SEPTIN9: variants seen among roughly 807,000 people sequenced by gnomAD.
SEPTIN9 encodes septin 9.
A neutral mutation model predicts 56.6 loss-of-function variants in SEPTIN9; 13 were observed. The observed-to-expected ratio is 0.23, with a 90% CI of 0.15 to 0.37. SEPTIN9 has a LOEUF of 0.37. Among genes scored for constraint, SEPTIN9 ranks in the 10% least tolerant of loss-of-function variants. SEPTIN9 has a pLI of 1.00. For synonymous variants in SEPTIN9, 332 were observed against 334.1 expected (o/e 0.99, Z 0.07); for missense variants, 650 against 823.1 (o/e 0.79, Z 2.57).
In SEPTIN9 at chr17:77,433,991, C is replaced by T. The variant is rs1400961624; in HGVS notation, c.721+31288C>T. Among the ~76,000 whole-genome samples the T allele has an allele frequency of 2.6e-5, 4 of 152,178 alleles. No individual in the cohort carries two copies. Among genetic ancestry groups the T allele is most frequent in the South Asian group, 2.1e-4 (1 of 4,834 alleles). ...CAGAGCTTTCTGGCCTCTGCAGGGA[C>T]GCTGTGTGTGCCTGTGTGAGTCTGG... is the stretch of plus-strand genomic sequence containing the variant. On this transcript the variant is annotated intron_variant, in intron 3 of 11. Transcript: ENST00000427177. This position sits in a 1 kb window ranked among gnomAD's most constrained non-coding sequence, Gnocchi z 6.4.
intron 3 of SEPTIN9, among the ~76,000 whole-genome samples, chr17:77,467,355 T>C (rs2038787485): frequency 6.6e-6 from 1 of 152,194 alleles, no homozygotes; most frequent in Non-Finnish European, 1.5e-5. Flanking sequence ...CTCCTGCCCA[T>C]GGGCTCTGCC....
intron 2 of SEPTIN9, among the ~76,000 whole-genome samples, chr17:77,307,410 G>T (rs939863795): frequency 1.5e-4 from 23 of 152,214 alleles, no homozygotes; most frequent in African/African-American, 5.3e-4. Context: ...TGATCCTTGT[G>T]GGGGCAGGGG....
In SEPTIN9 at chr17:77,389,865, C is replaced by G. The variant is rs1207149609; in HGVS notation, c.77-12194C>G. 6.6e-6 allele frequency among the ~76,000 whole-genome samples: 1 copy of G among 152,202 alleles called. No individual in the cohort carries two copies. Among genetic ancestry groups the G allele is most frequent in the African/African-American group, 2.4e-5 (1 of 41,452 alleles). On this transcript the variant is annotated intron_variant, in intron 2 of 11. Transcript: ENST00000427177. The surrounding 1 kb of genome is among the most constrained non-coding windows in gnomAD (Gnocchi z 4.3). Reference sequence around the variant, plus strand: ...TTAGAACCCGGGGGTGGGGGGAGCGCTAGACCAGTGCAGCACATCTGAGAG... The same window carrying G: ...TTAGAACCCGGGGGTGGGGGGAGCGGTAGACCAGTGCAGCACATCTGAGAG...
At chr17:77,320,379 C>A (rs1030263622) in intron 2 of SEPTIN9, 1 of 1,582,032 alleles carries the variant, frequency 6.3e-7, no homozygotes, top group Non-Finnish European at 8.7e-7. Flanking sequence ...CCATCGGCCG[C>A]CCCCCACTGC....
chr17:77,498,521 A>G lies in SEPTIN9; in HGVS notation c.1626-2A>G. 4 of 457,530 alleles carry G rather than the reference A, an allele frequency of 8.7e-6. No individual in the cohort carries two copies. The highest frequency in any genetic ancestry group is 1.4e-5 in the Non-Finnish European group (4 of 288,278). 28.3% of individuals were successfully genotyped at this position (457,530 alleles called of 1,614,324 possible). A position where few individuals can be genotyped will look rare whatever the true frequency, so the allele number is the denominator to read the frequency against. On this transcript the variant is annotated splice_acceptor_variant, in intron 11 of 11. Coordinates refer to ENST00000427177, the MANE Select transcript of SEPTIN9 (RefSeq NM_001113491.2). LOFTEE classifies it high-confidence loss of function. ...TGACCCGCCCGCCCCCCACCCCCAC[A>G]GGACGCACATGCAGAACATCAAGGA... is the stretch of plus-strand genomic sequence containing the variant.
Position 77,498,643 on chromosome 17 carries a change from A to G in SEPTIN9, c.1746A>G (p.Glu582=), listed in dbSNP as rs1156468910. 4 of 1,609,236 alleles carry G rather than the reference A, an allele frequency of 2.5e-6. No homozygotes were observed. Among genetic ancestry groups the G allele is most frequent in the Non-Finnish European group, 3.4e-6 (4 of 1,178,372 alleles). The change falls in exon 12 of 12, where the codon GAA becomes GAG. Residue 582 remains glutamate (E), a synonymous_variant. Transcript: ENST00000427177. ...MANGMEEKEP[E]APEM is the part of the protein sequence containing the mutation. ...ACGGCATGGAGGAGAAGGAGCCAGA[A>G]GCCCCGGAGATGTAGACGCCACCCT...
intron 2 of SEPTIN9, among the ~76,000 whole-genome samples, chr17:77,390,879 C>T (rs2035518414): frequency 6.6e-6 from 1 of 152,170 alleles, no homozygotes; most frequent in Non-Finnish European, 1.5e-5. Context: ...TTGGGGGACA[C>T]GTTAGTGAAA....
intron 2 of SEPTIN9, among the ~76,000 whole-genome samples, chr17:77,381,974 C>T (rs2143971178): frequency 6.6e-6 from 1 of 152,254 alleles, no homozygotes; most frequent in East Asian, 1.9e-4. Context: ...GTTTGCCAGG[C>T]AGGTGATGCT....
At chr17:77,418,816 G>A (rs1307536524) in intron 3 of SEPTIN9, among the ~76,000 whole-genome samples, 2 of 152,190 alleles carry the variant, frequency 1.3e-5, no homozygotes, top group Non-Finnish European at 1.5e-5. Flanking sequence ...ATGTAGGTCT[G>A]TGGGCCGTGC....
rs111337349 is a variant in SEPTIN9 at position 77,329,671 on chromosome 17, GC to G, written c.76+22479del. Among the ~76,000 whole-genome samples, 227 of 152,248 alleles carry G rather than the reference GC, an allele frequency of 1.5e-3. 1 individual carries two copies. Among genetic ancestry groups the G allele is most frequent in the African/African-American group, 5.2e-3 (215 of 41,548 alleles). Reference sequence around the variant, plus strand: ...TGTGATGCACTTAACACCTGCTGGTGCCCCCATCCCCAAGCAGGAACCCTGG... The same window carrying G: ...TGTGATGCACTTAACACCTGCTGGTGCCCCATCCCCAAGCAGGAACCCTGG... On this transcript the variant is annotated intron_variant, in intron 2 of 11. Transcript: ENST00000427177. This position sits in a 1 kb window ranked among gnomAD's most constrained non-coding sequence, Gnocchi z 4.3.
intron 3 of SEPTIN9, among the ~76,000 whole-genome samples, chr17:77,430,508 C>T (rs576713029): frequency 6.6e-6 from 1 of 152,264 alleles, no homozygotes; most frequent in African/African-American, 2.4e-5. Flanking sequence ...GAAGTGACCT[C>T]ATAGCAAGGG....
intron 2 of SEPTIN9, among the ~76,000 whole-genome samples, chr17:77,308,990 A>G (rs1409629496): frequency 6.6e-6 from 1 of 152,248 alleles, no homozygotes; most frequent in African/African-American, 2.4e-5. Context: ...GGCTCCGCCC[A>G]TCGCAGTCAT....
At chr17:77,494,309 G>A (rs1030635388) in intron 10 of SEPTIN9, among the ~76,000 whole-genome samples, 2 of 152,216 alleles carry the variant, frequency 1.3e-5, no homozygotes, top group African/African-American at 4.8e-5. Context: ...GGAGGGATGG[G>A]CCCGAACGTT....
Position 77,319,018 on chromosome 17 carries a change from C to CCGTGGTGCGGCCACG in SEPTIN9, c.76+11825_76+11839dup, listed in dbSNP as rs1350312776. 6.6e-6 allele frequency among the ~76,000 whole-genome samples: 1 copy of CCGTGGTGCGGCCACG among 152,326 alleles called. No homozygotes were observed. The highest frequency in any genetic ancestry group is 1.9e-4 in the East Asian group (1 of 5,186). Reference sequence around the variant, plus strand: ...CCTGTGCGGCCAGGCAGGAAGGCTTCCGTGGTGCGGCCACGCGTCCTCCCT... The same window carrying CCGTGGTGCGGCCACG: ...CCTGTGCGGCCAGGCAGGAAGGCTTCCGTGGTGCGGCCACGCGTGGTGCGGCCACGCGTCCTCCCT... On this transcript the variant is annotated intron_variant, in intron 2 of 11. Transcript: ENST00000427177. This position sits in a 1 kb window ranked among gnomAD's most constrained non-coding sequence, Gnocchi z 5.3.
intron 3 of SEPTIN9, 125 bp from the exon 4 acceptor site, chr17:77,482,019 C>T (rs1357705189): frequency 1.5e-5 from 14 of 916,522 alleles, no homozygotes; most frequent in South Asian, 5.3e-5. Flanking sequence ...CTGGGCAAGT[C>T]GCTTAGCCTT....
Position 77,389,834 on chromosome 17 carries a change from G to C in SEPTIN9, c.77-12225G>C, listed in dbSNP as rs572571090. On this transcript the variant is annotated intron_variant, in intron 2 of 11. Coordinates refer to ENST00000427177, the MANE Select transcript of SEPTIN9 (RefSeq NM_001113491.2). The surrounding 1 kb of genome is among the most constrained non-coding windows in gnomAD (Gnocchi z 4.3). ...TCTGCTCCTAGTGGAGCAGCCAGCA[G>C]CTGGTTTAGAACCCGGGGGTGGGGG... Among the ~76,000 whole-genome samples, 39 of 152,324 alleles carry C rather than the reference G, an allele frequency of 2.6e-4. No homozygotes were observed. Among genetic ancestry groups the C allele is most frequent in the African/African-American group, 8.2e-4 (34 of 41,570 alleles).
chr17:77,283,120 C>T (rs1281905586), intron 1 of SEPTIN9, among the ~76,000 whole-genome samples: 1 of 151,480 alleles, frequency 6.6e-6, no homozygotes, highest in African/African-American at 2.4e-5. Flanking sequence ...TCCTTTTCTC[C>T]TCTCCTCCAC....
At chr17:77,351,228 A>AC (rs2034052723) in intron 2 of SEPTIN9, among the ~76,000 whole-genome samples, 2 of 144,652 alleles carry the variant, frequency 1.4e-5, no homozygotes, top group African/African-American at 5.1e-5. Flanking sequence ...GCGTGCACAC[A>AC]ACACACACAC....
At chr17:77,356,755 C>G (rs1046104711) in intron 2 of SEPTIN9, among the ~76,000 whole-genome samples, 1 of 131,180 alleles carries the variant, frequency 7.6e-6, no homozygotes, top group African/African-American at 3.0e-5. Context: ...AAGTGGTTCT[C>G]TAAGTGGGAA....
Sources: allele counts gnomAD v4.1 joint callset (sites outside exome capture counted in the v4.1 genomes callset), GRCh38; gene constraint gnomAD v4.1.1; non-coding constraint Gnocchi (gnomAD v3.1); transcripts MANE v1.5; gene names NCBI Gene and HGNC (gene_info 2026-07-23, HGNC 2026-07-21).